The following VSIG1 variants were observed in gnomAD, a reference collection of about 807,000 sequenced individuals.
VSIG1 encodes V-set and immunoglobulin domain containing 1.
A neutral mutation model predicts 20.1 loss-of-function variants in VSIG1; 11 were observed. The observed-to-expected ratio is 0.55, with a 90% CI of 0.34 to 0.91. The LOEUF is 0.91. Among genes scored for constraint, VSIG1 ranks in the 40% least tolerant of loss-of-function variants. The pLI is 0.02. For missense variants in VSIG1, 283 were observed against 298.8 expected (o/e 0.95, Z 0.39); for synonymous variants, 126 against 116.7 (o/e 1.08, Z -0.52).
intron 1 of VSIG1, among the ~76,000 whole-genome samples, chrX:108,055,033 A>G (rs1297672325): frequency 9.2e-6 from 1 of 108,951 alleles, no homozygotes; most frequent in East Asian, 2.9e-4. Flanking sequence ...TGCTTTTCTG[A>G]AAAAAAAATC....
In VSIG1 at chrX:108,058,079, G is replaced by A. The variant is rs376781458; in HGVS notation, c.91G>A (p.Val31Met). The change falls in exon 2 of 7, where the codon GTG becomes ATG. Residue 31 changes from valine (V) to methionine (M), a missense_variant. Val to Met is a conservative substitution (Grantham distance 21). Transcript: ENST00000217957. ...GCAAGTGACCATCCCAGACGGTTTC[G>A]TGAACGTGACTGTTGGATCTAATGT... is the stretch of plus-strand genomic sequence containing the variant. ...VVQVTIPDGFVNVTVGSNVTL... is the reference protein window; with the variant it reads ...VVQVTIPDGFMNVTVGSNVTL... 12 of 1,210,063 alleles carry A rather than the reference G, an allele frequency of 9.9e-6. No homozygotes were observed. The highest frequency in any genetic ancestry group is 3.5e-5 in the African/African-American group (2 of 57,595).
At chrX:108,047,969 T>TATATATATATATATATATATACAC (rs2030686953) in intron 1 of VSIG1, among the ~76,000 whole-genome samples, 1 of 43,075 alleles carries the variant, frequency 2.3e-5, no homozygotes, top group Non-Finnish European at 4.2e-5. Flanking sequence ...CACATATATA[T>TATATATATATATATATATATACAC]ATATATATAT....
rs2031065621 is a variant in VSIG1, at chrX:108,063,315, A to G, written c.214-3621A>G. The stretch of plus-strand genomic sequence containing the variant: ...CTGTGAGTGCCATCTTAATATATTC[A>G]GTGGGAATCAGAAGGTCTGAATTCC... On this transcript the variant is annotated intron_variant, in intron 2 of 6. Transcript: ENST00000217957. Among the ~76,000 whole-genome samples the G allele has an allele frequency of 2.7e-5, 3 of 111,357 alleles. No homozygotes were observed. In the South Asian group the frequency reaches 1.1e-3, roughly 43 times the overall value.
intron 1 of VSIG1, among the ~76,000 whole-genome samples, chrX:108,057,235 G>C (rs1174793377): frequency 8.9e-6 from 1 of 112,409 alleles, no homozygotes; most frequent in African/African-American, 3.2e-5. Flanking sequence ...GGTTAGGACA[G>C]GAATGAGGTG....
chrX:108,052,558 G>A (rs1035872217), intron 1 of VSIG1, among the ~76,000 whole-genome samples: 4 of 109,925 alleles, frequency 3.6e-5, no homozygotes, highest in Non-Finnish European at 7.6e-5. Context: ...AGAGGTTGCC[G>A]TGAGCCGAGA....
chrX:108,067,775 C>T (rs991060257), intron 3 of VSIG1, among the ~76,000 whole-genome samples: 7 of 111,826 alleles, frequency 6.3e-5, no homozygotes, highest in Non-Finnish European at 9.4e-5. Context: ...TTGTTTTTGC[C>T]CTTGGGAAGC....
intron 1 of VSIG1, among the ~76,000 whole-genome samples, chrX:108,056,317 T>A (rs184273229): frequency 3.8e-4 from 43 of 111,971 alleles, no homozygotes; most frequent in Non-Finnish European, 7.9e-4. Flanking sequence ...AACATTATAC[T>A]TCATGGTGAA....
rs1018264713 is a variant in VSIG1, at chrX:108,077,919, G to A, written c.*538G>A. The A allele has an allele frequency of 8.9e-6, 1 of 111,818 alleles. No individual in the cohort carries two copies. The highest frequency in any genetic ancestry group is 3.3e-5 in the African/African-American group (1 of 30,463). The allele number at this position is 111,818 out of a possible 1,213,427, so 9.2% of individuals were successfully genotyped here. ...AGATGGGGTTTCACGTTGTTAGCCAGGATGGTCTCCATCTCCTGACCTCAT... is the reference window on the plus strand; with the variant it reads ...AGATGGGGTTTCACGTTGTTAGCCAAGATGGTCTCCATCTCCTGACCTCAT... On this transcript the variant is annotated 3_prime_UTR_variant, in exon 7 of 7. Transcript: ENST00000217957.
In VSIG1 at chrX:108,047,895, TATATATATACAC is replaced by T. The variant is rs1367198259; in HGVS notation, c.49+2726_49+2737del. On this transcript the variant is annotated intron_variant, in intron 1 of 6. Coordinates refer to ENST00000217957, the MANE Select transcript of VSIG1 (RefSeq NM_182607.5). ...ACACATATATATATATACACACATATATATATATACACATATATATATACACATATATATATA... is the reference window on the plus strand; with the variant it reads ...ACACATATATATATATACACACATATATATATATATACACATATATATATA... Among the ~76,000 whole-genome samples the T allele has an allele frequency of 6.4e-3, 290 of 45,643 alleles. 44 individuals are homozygous for T. Among genetic ancestry groups the T allele is most frequent in the African/African-American group, 0.039 (270 of 6,891 alleles). The allele number at this position is 45,643 out of a possible 115,157, so 39.6% of individuals were successfully genotyped here.
chrX:108,025,802 T>C, the VSIG1 span, among the ~76,000 whole-genome samples: 1 of 112,735 alleles, frequency 8.9e-6, no homozygotes, highest in African/African-American at 3.2e-5. Context: ...ATAGTCCTGG[T>C]AAAATGAGTA....
At chrX:108,030,056 T>C in the VSIG1 span, among the ~76,000 whole-genome samples, 1 of 112,223 alleles carries the variant, frequency 8.9e-6, no homozygotes, top group Non-Finnish European at 1.9e-5. Context: ...TGTTATCTGG[T>C]TTCCTTTTGC....
the VSIG1 span, among the ~76,000 whole-genome samples, chrX:108,021,416 C>T: frequency 3.6e-5 from 4 of 111,807 alleles, no homozygotes; most frequent in Non-Finnish European, 7.5e-5. Context: ...TTTGTCTTTT[C>T]ATCATTGAGT....
intron 1 of VSIG1, among the ~76,000 whole-genome samples, chrX:108,050,667 A>G (rs1391681925): frequency 3.6e-5 from 4 of 111,453 alleles, no homozygotes; most frequent in Non-Finnish European, 7.5e-5. Context: ...TCCAAATCCT[A>G]TGGGGAGCTT....
rs371274224 is a variant in VSIG1 at position 108,077,291 on chromosome X, GGAGCCAGAGCCA to G, written c.1090_1101del (p.Pro364_Glu367del). The G allele has an allele frequency of 6.6e-6, 8 of 1,212,013 alleles. No individual in the cohort carries two copies. In the Admixed American group the frequency reaches 1.3e-4, roughly 20 times the overall value. On this transcript the variant is annotated inframe_deletion, in exon 7 of 7. Transcript: ENST00000217957. Reference sequence around the variant, plus strand: ...TGGAGCCAGAAACGCAGTCGGAATTGGAGCCAGAGCCAGAGCCAGAGCCAGAGTCAGAGCCTG... The same window carrying G: ...TGGAGCCAGAAACGCAGTCGGAATTGGAGCCAGAGCCAGAGTCAGAGCCTG...
chrX:108,026,944 T>C, the VSIG1 span, among the ~76,000 whole-genome samples: 1 of 111,934 alleles, frequency 8.9e-6, no homozygotes, highest in Admixed American at 9.5e-5. Context: ...ACATCATTAG[T>C]CATTAGGGCA....
intron 3 of VSIG1, among the ~76,000 whole-genome samples, chrX:108,071,805 C>A (rs2031249790): frequency 1.9e-5 from 2 of 106,888 alleles, no homozygotes; most frequent in Admixed American, 1.0e-4. Context: ...GTAGCGTGCA[C>A]CCCCCAAATG....
chrX:108,047,877 T>TATACACAC (rs1569287175), intron 1 of VSIG1, among the ~76,000 whole-genome samples: 1 of 31,611 alleles, frequency 3.2e-5, no homozygotes, highest in Non-Finnish European at 5.9e-5. Context: ...TATACACATA[T>TATACACAC]ATATATATAC....
chrX:108,053,552 A>T (rs1185193113), intron 1 of VSIG1, among the ~76,000 whole-genome samples: 2 of 112,113 alleles, frequency 1.8e-5, no homozygotes, highest in Non-Finnish European at 3.8e-5. Context: ...CAGAAAAGCA[A>T]GAAAAGGGAA....
intron 1 of VSIG1, among the ~76,000 whole-genome samples, chrX:108,054,521 T>C (rs2030851630): frequency 9.0e-6 from 1 of 110,954 alleles, no homozygotes; most frequent in Non-Finnish European, 1.9e-5. Context: ...CAGAACACAC[T>C]TTTTTTTGGC....
Sources: gnomAD v4.1 joint callset for allele counts (sites outside exome capture counted in the v4.1 genomes callset) on GRCh38, gnomAD v4.1.1 for gene constraint, MANE v1.5 for transcripts, NCBI Gene and HGNC (gene_info 2026-07-23, HGNC 2026-07-21) for gene names.